The following TIMM50 variants were observed in gnomAD, a reference collection of about 807,000 sequenced individuals.
TIMM50 encodes mitochondrial import inner membrane translocase subunit TIM50.
In TIMM50, 34 loss-of-function variants were observed where a neutral mutation model predicts 49.6. The ratio of observed to expected loss-of-function variants is 0.69; its 90% confidence interval spans 0.52 to 0.91. The LOEUF (loss-of-function observed/expected upper bound fraction) is 0.91, where lower values mean the gene tolerates loss of function less well. Among genes scored for constraint, TIMM50 ranks in the 40% least tolerant of loss-of-function variants. The pLI is 0.00. For synonymous variants in TIMM50, 199 were observed against 198.4 expected (o/e 1.00, Z -0.03); for missense variants, 458 against 477.8 (o/e 0.96, Z 0.39).
chr19:39,488,270 A>G (rs1440569512), intron 9 of TIMM50, 53 bp downstream of exon 9: 3 of 1,562,530 alleles, frequency 1.9e-6, no homozygotes, highest in Non-Finnish European at 1.7e-6. Context: ...CCTGACTCTG[A>G]AGAGGAAGGA....
chr19:39,487,024 AG>A (rs2079511921), intron 8 of TIMM50, among the ~76,000 whole-genome samples: 1 of 151,658 alleles, frequency 6.6e-6, no homozygotes, highest in African/African-American at 2.4e-5. Context: ...GCTGTGATCG[AG>A]GGTCTTGAAG....
chr19:39,489,505 GCTGGCTCTTC>G (rs1304414209), intron 10 of TIMM50, among the ~76,000 whole-genome samples: 1 of 152,072 alleles, frequency 6.6e-6, no homozygotes, highest in East Asian at 1.9e-4. Flanking sequence ...GCGGCTCAGA[GCTGGCTCTTC>G]CTAGTGTCTG....
At chr19:39,482,799 G>T in intron 2 of TIMM50, 86 bp from the exon 3 acceptor site, 1 of 1,576,230 alleles carries the variant, frequency 6.3e-7, no homozygotes. Context: ...TCAGATCCAG[G>T]AGTCCAGGCC....
intron 1 of TIMM50, 43 bp downstream of exon 1, chr19:39,481,004 C>A: frequency 6.5e-7 from 1 of 1,531,734 alleles, no homozygotes; most frequent in Non-Finnish European, 8.7e-7. Flanking sequence ...GGGTCCCTTC[C>A]CTGGAGTTAC....
In TIMM50 at chr19:39,480,972, C is replaced by A; in HGVS notation, c.108+11C>A. On this transcript the variant is annotated intron_variant, in intron 1 of 10. Coordinates refer to ENST00000607714, the MANE Select transcript of TIMM50 (RefSeq NM_001001563.5). ...CGGGCCCCAGATCAGGTGAGCGGAACGAGGGTGGCCCTCTGAATGTGGGGT... is the reference window on the plus strand; with the variant it reads ...CGGGCCCCAGATCAGGTGAGCGGAAAGAGGGTGGCCCTCTGAATGTGGGGT... The A allele has an allele frequency of 6.4e-7, 1 of 1,573,948 alleles. No homozygotes were observed. Among genetic ancestry groups the A allele is most frequent in the South Asian group, 1.1e-5 (1 of 87,930 alleles).
rs776186576 is a variant in TIMM50, at chr19:39,480,872, G to C, written c.19G>C (p.Val7Leu). 6.3e-7 allele frequency: 1 copy of C among 1,599,894 alleles called. No homozygotes were observed. The highest frequency in any genetic ancestry group is 8.5e-7 in the Non-Finnish European group (1 of 1,175,830). The stretch of plus-strand genomic sequence containing the variant: ...GCGCAAGATGGCGGCCTCGGCAGCG[G>C]TGTTCTCGCGCTTGCGAAGCGGGCT... The part of the protein sequence containing the change: MAASAA[V>L]FSRLRSGLRL... Residue 7 changes from valine to leucine, a missense_variant, in exon 1 of 11, where the codon GTG becomes CTG. Physicochemically the swap from Val to Leu is conservative, Grantham distance 32. Coordinates refer to ENST00000607714, the MANE Select transcript of TIMM50 (RefSeq NM_001001563.5).
rs202217358 is a variant in TIMM50, at chr19:39,482,659, C to CA, written c.260-209dup. Among the ~76,000 whole-genome samples, 652 of 125,388 alleles carry CA rather than the reference C, an allele frequency of 5.2e-3. 5 individuals are homozygous for CA. The highest frequency in any genetic ancestry group is 0.012 in the Middle Eastern group (3 of 248). The allele number at this position is 125,388 out of a possible 152,430, so 82.3% of individuals were successfully genotyped here. ...TGGGCAACAGAGCGAGACTCTGTCTCAAAAAAAAAAAAAAAAATCCCACAG... is the reference window on the plus strand; with the variant it reads ...TGGGCAACAGAGCGAGACTCTGTCTCAAAAAAAAAAAAAAAAAATCCCACAG... On this transcript the variant is annotated intron_variant, in intron 2 of 10. Coordinates refer to ENST00000607714, the MANE Select transcript of TIMM50 (RefSeq NM_001001563.5).
chr19:39,485,666 C>T (rs760359721), intron 5 of TIMM50, 22 bp from the exon 6 acceptor site: 1 of 1,614,096 alleles, frequency 6.2e-7, no homozygotes, highest in Non-Finnish European at 8.5e-7. Flanking sequence ...CTGAGCGCCC[C>T]CATCCTGTCC....
intron 9 of TIMM50, 99 bp downstream of exon 9, chr19:39,488,316 A>AGGCACCTCTTGCACCTC: frequency 7.0e-7 from 1 of 1,424,478 alleles, no homozygotes; most frequent in Non-Finnish European, 9.6e-7. Flanking sequence ...ACTGAGGTGC[A>AGGCACCTCTTGCACCTC]AGAGGTGCCT....
At chr19:39,484,430 A>G (rs2146152448) in intron 4 of TIMM50, among the ~76,000 whole-genome samples, 1 of 152,258 alleles carries the variant, frequency 6.6e-6, no homozygotes, top group South Asian at 2.1e-4. Flanking sequence ...AAAATGAGAA[A>G]GTAAACTGGA....
chr19:39,491,895 A>G lies in TIMM50; in HGVS notation c.*2075A>G, dbSNP rs907226419. ...GAGTCAGGGTCTCGCTGTGTCGCCC[A>G]GGCTGGAGCACAGTGGTGTAACTAT... On this transcript the variant is annotated 3_prime_UTR_variant, in exon 11 of 11. Transcript: ENST00000607714. The G allele has an allele frequency of 6.8e-6, 1 of 147,776 alleles. No homozygotes were observed. Among genetic ancestry groups the G allele is most frequent in the Non-Finnish European group, 1.5e-5 (1 of 67,260 alleles). The allele number at this position is 147,776 out of a possible 1,614,324, so 9.2% of individuals were successfully genotyped here.
At chr19:39,482,126 G>T in intron 2 of TIMM50, 93 bp downstream of exon 2, 1 of 1,493,944 alleles carries the variant, frequency 6.7e-7, no homozygotes, top group South Asian at 1.3e-5. Flanking sequence ...AGCTTCTCTC[G>T]TCTTCATTCC....
chr19:39,487,861 G>A, intron 8 of TIMM50, 200 bp from the exon 9 acceptor site: 2 of 640,912 alleles, frequency 3.1e-6, no homozygotes, highest in Non-Finnish European at 2.4e-6. Flanking sequence ...CAAAGTGCTG[G>A]GATTACAGGC....
intron 6 of TIMM50, 163 bp downstream of exon 6, chr19:39,485,970 A>C (rs1600740246): frequency 2.5e-6 from 3 of 1,211,358 alleles, no homozygotes; most frequent in South Asian, 1.4e-5. Context: ...GCTAACACCC[A>C]CTCTGTAGGG....
chr19:39,482,170 A>T, intron 2 of TIMM50, 137 bp downstream of exon 2: 1 of 1,101,928 alleles, frequency 9.1e-7, no homozygotes, highest in Non-Finnish European at 1.3e-6. Context: ...GCCAAATAAG[A>T]CACCTACCTT....
chr19:39,481,776 TG>T, intron 1 of TIMM50, 106 bp from the exon 2 acceptor site: 1 of 1,407,986 alleles, frequency 7.1e-7, no homozygotes, highest in Non-Finnish European at 9.7e-7. Context: ...CAGGGCTCTG[TG>T]GGTGTCTGCC....
intron 9 of TIMM50, 129 bp from the exon 10 acceptor site, chr19:39,488,410 C>A: frequency 9.2e-7 from 1 of 1,082,380 alleles, no homozygotes; most frequent in Non-Finnish European, 1.4e-6. Context: ...GGAGCCCTTT[C>A]AGAGCGTTCA....
chr19:39,481,499 A>G (rs2079471399), intron 1 of TIMM50, among the ~76,000 whole-genome samples: 1 of 152,014 alleles, frequency 6.6e-6, no homozygotes, highest in African/African-American at 2.4e-5. Context: ...AAGCAGCCGG[A>G]CGTCGTAACT....
intron 1 of TIMM50, 76 bp downstream of exon 1, chr19:39,481,037 G>A: frequency 6.9e-7 from 1 of 1,458,074 alleles, no homozygotes; most frequent in Non-Finnish European, 9.0e-7. Context: ...GCCCCTTGGG[G>A]GTTCCGGGAC....
Sources: gnomAD v4.1 joint callset for allele counts (sites outside exome capture counted in the v4.1 genomes callset) on GRCh38, gnomAD v4.1.1 for gene constraint, MANE v1.5 for transcripts, NCBI Gene and HGNC (gene_info 2026-07-23, HGNC 2026-07-21) for gene names.